STOX2: variants seen among roughly 807,000 people sequenced by gnomAD.
The protein encoded by STOX2 is storkhead box 2.
STOX2 carries 28 observed loss-of-function variants against 60.9 expected under a neutral mutation model. That is an observed-to-expected ratio of 0.46 (90% confidence interval 0.34 to 0.63). STOX2 has a LOEUF of 0.63. STOX2 is among the 30% of genes least tolerant of loss of function. The pLI, the probability that STOX2 is intolerant of heterozygous loss-of-function variation, is 0.01. For synonymous variants in STOX2, 472 were observed against 463.9 expected (o/e 1.02, Z -0.22); for missense variants, 1,024 against 1,187.7 (o/e 0.86, Z 2.03).
upstream of STOX2, among the ~76,000 whole-genome samples, chr4:183,901,903 A>G (rs565281120): frequency 1.0e-3 from 157 of 152,280 alleles, 2 homozygotes; most frequent in African/African-American, 3.2e-3. Context: ...CTCTGTTGAC[A>G]GTGTCTTCTG....
intron 1 of STOX2, among the ~76,000 whole-genome samples, chr4:183,963,136 T>TC (rs1743459326): frequency 6.6e-6 from 1 of 152,104 alleles, no homozygotes; most frequent in African/African-American, 2.4e-5. Context: ...AAAGTCAGTG[T>TC]CCCCCAGGTG....
In STOX2 at chr4:183,865,532, G is replaced by A. The variant is rs1187603890; in HGVS notation, c.364+67477G>A. On this transcript the variant is annotated intron_variant, in intron 1 of 2. Transcript: ENST00000513034. This position sits in a 1 kb window ranked among gnomAD's most constrained non-coding sequence, Gnocchi z 4.1. Reference sequence around the variant, plus strand: ...AGTATTATAATACAATTTAATAAAAGACCTTGTTAGTAGTATCAAAAAGCA... The same window carrying A: ...AGTATTATAATACAATTTAATAAAAAACCTTGTTAGTAGTATCAAAAAGCA... Among the ~76,000 whole-genome samples, 6 of 152,166 alleles carry A rather than the reference G, an allele frequency of 3.9e-5. No individual in the cohort carries two copies. Among genetic ancestry groups the A allele is most frequent in the Non-Finnish European group, 8.8e-5 (6 of 68,032 alleles).
chr4:183,977,141 G>A (rs1732479073), intron 1 of STOX2, among the ~76,000 whole-genome samples: 2 of 152,152 alleles, frequency 1.3e-5, no homozygotes, highest in Non-Finnish European at 2.9e-5. Context: ...CACCCAAACA[G>A]TGTACATTGT....
chr4:183,904,009 T>C (rs1055452364), upstream of STOX2, among the ~76,000 whole-genome samples: 5 of 152,216 alleles, frequency 3.3e-5, no homozygotes. Context: ...TTCCTGCAAC[T>C]AGAGAGTCCC....
chr4:184,017,734 A>G lies in STOX2; in HGVS notation c.*450A>G, dbSNP rs1432155162. The G allele has an allele frequency of 6.6e-6, 1 of 152,550 alleles. No individual in the cohort carries two copies. The highest frequency in any genetic ancestry group is 2.4e-5 in the African/African-American group (1 of 41,424). The allele number at this position is 152,550 out of a possible 1,614,324, so 9.4% of individuals were successfully genotyped here. ...AAACAAAAAAAATTTAAAAAAAAAAAACAAAAAACAAAACTAAGCTACCAC... is the reference window on the plus strand; with the variant it reads ...AAACAAAAAAAATTTAAAAAAAAAAGACAAAAAACAAAACTAAGCTACCAC... On this transcript the variant is annotated 3_prime_UTR_variant, in exon 4 of 4. Coordinates refer to ENST00000308497, the MANE Select transcript of STOX2 (RefSeq NM_020225.3).
At chr4:183,805,907 G>T (rs183022425) in intron 1 of STOX2, among the ~76,000 whole-genome samples, 1 of 152,194 alleles carries the variant, frequency 6.6e-6, no homozygotes, top group Admixed American at 6.5e-5. Flanking sequence ...CTCTTGATGC[G>T]GACCAGTCAG....
intron 1 of STOX2, among the ~76,000 whole-genome samples, chr4:183,863,898 G>A (rs1333614566): frequency 6.6e-6 from 1 of 152,178 alleles, no homozygotes; most frequent in East Asian, 1.9e-4. Flanking sequence ...CAGAACCACT[G>A]AGCTCTGGCA....
chr4:183,837,390 T>C (rs749419448), intron 1 of STOX2, among the ~76,000 whole-genome samples: 1 of 152,026 alleles, frequency 6.6e-6, no homozygotes, highest in Admixed American at 6.6e-5. Flanking sequence ...TTCCTATAAG[T>C]GGAATCATAC....
intron 1 of STOX2, among the ~76,000 whole-genome samples, chr4:183,854,051 C>T (rs1234040033): frequency 1.3e-5 from 2 of 152,178 alleles, no homozygotes; most frequent in African/African-American, 4.8e-5. Context: ...TTTACTATAC[C>T]AGGCCTTCAT....
chr4:183,922,031 G>T (rs1028102594), intron 1 of STOX2, among the ~76,000 whole-genome samples: 12 of 152,150 alleles, frequency 7.9e-5, no homozygotes, highest in Non-Finnish European at 1.5e-4. Context: ...TTAATTATTT[G>T]CATGTCTACT....
At chr4:183,830,828 A>G (rs1038296883) in intron 1 of STOX2, among the ~76,000 whole-genome samples, 5 of 152,150 alleles carry the variant, frequency 3.3e-5, no homozygotes, top group Admixed American at 6.5e-5. Context: ...ATCCACACCA[A>G]TAGGGGAAGA....
chr4:183,885,882 A>G (rs1432678167), intron 1 of STOX2, among the ~76,000 whole-genome samples: 1 of 152,216 alleles, frequency 6.6e-6, no homozygotes, highest in African/African-American at 2.4e-5. Context: ...GTCAACACGC[A>G]TCTCATTGCC....
At position 183,874,953 on chromosome 4, in the gene STOX2, ATATAT is replaced by A. The variant is rs1201178604; in HGVS notation, c.364+76899_364+76903del. 1.6e-3 allele frequency among the ~76,000 whole-genome samples: 39 copies of A among 24,596 alleles called. 1 individual carries two copies. The highest frequency in any genetic ancestry group is 4.3e-3 in the African/African-American group (26 of 5,988). The allele number at this position is 24,596 out of a possible 152,430, so 16.1% of individuals were successfully genotyped here. A position where few individuals can be genotyped will look rare whatever the true frequency, so the allele number is the denominator to read the frequency against. ...AAAAAAAAAAAAAAAAAAAAAAAAAATATATATATATATATATATATATATATATA... is the reference window on the plus strand; with the variant it reads ...AAAAAAAAAAAAAAAAAAAAAAAAAAATATATATATATATATATATATATA... On this transcript the variant is annotated intron_variant, in intron 1 of 2. Transcript: ENST00000513034.
chr4:183,827,825 G>A (rs1739469164), intron 1 of STOX2, among the ~76,000 whole-genome samples: 1 of 148,506 alleles, frequency 6.7e-6, no homozygotes. Flanking sequence ...GCTGCAGTGA[G>A]CTATGCACAC....
chr4:183,817,937 C>T (rs1739189122), intron 1 of STOX2, among the ~76,000 whole-genome samples: 1 of 152,100 alleles, frequency 6.6e-6, no homozygotes, highest in Admixed American at 6.5e-5. Context: ...GCACTGTTCT[C>T]CCCACCTCAC....
At chr4:184,004,838 G>A (rs10213018) in intron 2 of STOX2, among the ~76,000 whole-genome samples, 4,693 of 152,162 alleles carry the variant, frequency 0.031, 233 homozygotes, top group African/African-American at 0.11. Context: ...ATTTAAATTG[G>A]TGGTCTGGTA....
chr4:183,925,961 A>G (rs35672596), intron 1 of STOX2, among the ~76,000 whole-genome samples: 19,321 of 152,104 alleles, frequency 0.13, 1,415 homozygotes, highest in African/African-American at 0.2. Context: ...AGCCAAAGGA[A>G]AGGTAACCTT....
At chr4:183,922,657 C>T (rs1040612782) in intron 1 of STOX2, among the ~76,000 whole-genome samples, 3 of 152,096 alleles carry the variant, frequency 2.0e-5, no homozygotes, top group African/African-American at 7.2e-5. Flanking sequence ...AAGTTACCAT[C>T]TTAACTTTTT....
chr4:183,972,136 G>T (rs1269036386), intron 1 of STOX2, among the ~76,000 whole-genome samples: 1 of 152,308 alleles, frequency 6.6e-6, no homozygotes, highest in African/African-American at 2.4e-5. Context: ...GCGGCGTAGG[G>T]CTGGGCAGAC....
Sources: allele counts gnomAD v4.1 joint callset (sites outside exome capture counted in the v4.1 genomes callset), GRCh38; gene constraint gnomAD v4.1.1; non-coding constraint Gnocchi (gnomAD v3.1); transcripts MANE v1.5; gene names NCBI Gene and HGNC (gene_info 2026-07-23, HGNC 2026-07-21).